Variants in SPAG5 observed in about 807,000 individuals in gnomAD.
SPAG5 encodes the protein sperm-associated antigen 5.
SPAG5 carries 99 observed loss-of-function variants against 145.4 expected under a neutral mutation model. The observed-to-expected ratio is 0.68, with a 90% CI of 0.58 to 0.80. The LOEUF is 0.80. Among genes scored for constraint, SPAG5 ranks in the 30% least tolerant of loss-of-function variants. The pLI is 0.00. For synonymous variants in SPAG5, 477 were observed against 525.4 expected, an observed-to-expected ratio of 0.91 and a Z score of 1.26; for missense variants, 1,192 against 1,416.0, an observed-to-expected ratio of 0.84 and a Z score of 2.54.
chr17:28,580,464 G>GACT (rs1478709220), intron 15 of SPAG5: 1 of 155,678 alleles, frequency 6.4e-6, no homozygotes, highest in African/African-American at 2.4e-5. Flanking sequence ...ACCATCTATT[G>GACT]ACTCCCCAGC....
In SPAG5 at chr17:28,585,195, CAA is replaced by C. The variant is rs768553451; in HGVS notation, c.1972_1973del (p.Leu658AlafsTer23). 1 of 1,614,212 alleles carries C rather than the reference CAA, an allele frequency of 6.2e-7. No homozygotes were observed. Among genetic ancestry groups the C allele is most frequent in the Non-Finnish European group, 8.5e-7 (1 of 1,180,038 alleles). The stretch of plus-strand genomic sequence containing the variant: ...CTGTGAGTTGTCGGGACCGACTCAG[CAA>C]AGCTGTCCATGTTGTATACTACCAG... Reference protein sequence around the residue: ...MQLDYTTWTALLSRSRQLTEK... With the variant: ...MQLDYTTWTAXLSRSRQLTEK... On this transcript the variant is annotated frameshift_variant, in exon 10 of 24. Transcript: ENST00000321765. LOFTEE classifies it high-confidence loss of function.
intron 16 of SPAG5, 22 bp from the exon 17 acceptor site, chr17:28,579,859 G>A: frequency 6.2e-7 from 1 of 1,608,006 alleles, no homozygotes; most frequent in Non-Finnish European, 8.5e-7. Context: ...ACCAATAATG[G>A]GAGAGGGCCC....
At chr17:28,589,109 T>C (rs1027072816) in intron 4 of SPAG5, among the ~76,000 whole-genome samples, 1 of 152,064 alleles carries the variant, frequency 6.6e-6, no homozygotes, top group Non-Finnish European at 1.5e-5. Flanking sequence ...ATAATTTTTT[T>C]TTTTTTTGAG....
rs376364435 is a variant in SPAG5, at chr17:28,584,691, T to A, written c.2122A>T (p.Thr708Ser). Residue 708 changes from threonine (T) to serine (S), a missense_variant, in exon 11 of 24, where the codon ACA becomes TCA. Physicochemically the swap from Thr to Ser is moderately conservative, Grantham distance 58. This residue lies in a region of SPAG5 where 709 missense variants were observed against 840.7 expected (regional missense o/e 0.84). Coordinates refer to ENST00000321765, the MANE Select transcript of SPAG5 (RefSeq NM_006461.4). ...SAQLEECKGQ[T>S]EQLELENSRL... is the part of the protein sequence containing the mutation. ...CTGTTTTCCAACTCCAGTTGTTCTG[T>A]TTGGCCTTTGCACTCCTCTAACTGG... is the stretch of plus-strand genomic sequence containing the variant. The A allele has an allele frequency of 1.2e-6, 2 of 1,614,044 alleles. No homozygotes were observed. The highest frequency in any genetic ancestry group is 1.7e-6 in the Non-Finnish European group (2 of 1,180,024).
Position 28,579,151 on chromosome 17 carries a change from A to T in SPAG5, c.3107T>A (p.Leu1036Ter). Residue 1036 changes from leucine (L) to a stop codon, truncating the protein, a stop_gained, in exon 19 of 24, where the codon TTG (leucine) becomes TAG (stop). Coordinates refer to ENST00000321765, the MANE Select transcript of SPAG5 (RefSeq NM_006461.4). LOFTEE classifies it high-confidence loss of function. The stretch of plus-strand genomic sequence containing the variant: ...AGGTCCCTCCTTCACCTTGTAGCGC[A>T]AGCACAAGGCCTGGTTCAGCTTCTC... Reference protein sequence around the residue: ...DIEKLNQALCLRYKNEKELQE... With the variant: ...DIEKLNQALC 1 of 1,612,912 alleles carries T rather than the reference A, an allele frequency of 6.2e-7. No individual in the cohort carries two copies. Among genetic ancestry groups the T allele is most frequent in the Non-Finnish European group, 8.5e-7 (1 of 1,179,604 alleles).
chr17:28,598,825 CA>C (rs2070688582), intron 1 of SPAG5, 70 bp downstream of exon 1: 2 of 1,577,642 alleles, frequency 1.3e-6, no homozygotes, highest in East Asian at 4.5e-5. Flanking sequence ...CTTTCCAGGA[CA>C]GTAGACACGG....
rs377720107 is a variant in SPAG5, at chr17:28,592,896, C to A, written c.348G>T (p.Glu116Asp). 1.2e-5 allele frequency: 20 copies of A among 1,614,072 alleles called. No individual in the cohort carries two copies. The highest frequency in any genetic ancestry group is 1.6e-5 in the Non-Finnish European group (19 of 1,180,026). Residue 116 changes from glutamate (E) to aspartate (D), a missense_variant, in exon 3 of 24, where the codon GAG (glutamate) becomes GAT (aspartate). Transcript: ENST00000321765. ...PQISSTPKTS[E>D]EAVDPLGNYM... ...AATTGCCCAGTGGGTCTACTGCTTCCTCAGACGTTTTAGGAGTAGAGCTAA... is the reference window on the plus strand; with the variant it reads ...AATTGCCCAGTGGGTCTACTGCTTCATCAGACGTTTTAGGAGTAGAGCTAA...
chr17:28,594,779 AAT>A (rs1409723489), intron 2 of SPAG5, among the ~76,000 whole-genome samples: 5 of 152,016 alleles, frequency 3.3e-5, no homozygotes, highest in Non-Finnish European at 7.3e-5. Flanking sequence ...GTTTTATTGT[AAT>A]TTCATGTATC....
intron 21 of SPAG5, 36 bp from the exon 22 acceptor site, chr17:28,578,328 G>A (rs1366352690): frequency 1.9e-6 from 3 of 1,614,044 alleles, no homozygotes; most frequent in Non-Finnish European, 2.5e-6. Flanking sequence ...GGTACAGCCT[G>A]GGGTCCCCAC....
intron 5 of SPAG5, 75 bp downstream of exon 5, chr17:28,586,350 A>T (rs2070585476): frequency 3.7e-6 from 5 of 1,339,428 alleles, no homozygotes; most frequent in Admixed American, 3.4e-5. Context: ...ATCACCATCT[A>T]CTAACCACCC....
In SPAG5 at chr17:28,585,493, T is replaced by C. The variant is rs369348218; in HGVS notation, c.1860+41A>G. Reference sequence around the variant, plus strand: ...GGAGTATGCAACTACCCTCCCAGTCTGTCAGCACAGACCCCAGGAAAGAAA... The same window carrying C: ...GGAGTATGCAACTACCCTCCCAGTCCGTCAGCACAGACCCCAGGAAAGAAA... On this transcript the variant is annotated intron_variant, in intron 8 of 23. Coordinates refer to ENST00000321765, the MANE Select transcript of SPAG5 (RefSeq NM_006461.4). The C allele has an allele frequency of 4.2e-5, 68 of 1,613,752 alleles. No homozygotes were observed. In the African/African-American group the frequency reaches 7.6e-4, roughly 18 times the overall value.
chr17:28,584,578 C>T lies in SPAG5; in HGVS notation c.2161+74G>A, dbSNP rs1324023517. 1.4e-5 allele frequency: 23 copies of T among 1,599,578 alleles called. No individual in the cohort carries two copies. The Admixed American group carries it at 3.7e-4, about 26-fold the overall frequency. On this transcript the variant is annotated intron_variant, in intron 11 of 23. Coordinates refer to ENST00000321765, the MANE Select transcript of SPAG5 (RefSeq NM_006461.4). ...AAGTGCTCCTGAGTACTTCCTTGCT[C>T]TAGTGCCACACTCCAAGCCTTAACA...
In SPAG5 at chr17:28,598,625, G is replaced by C. The variant is rs769410235; in HGVS notation, c.62C>G (p.Ser21Cys). 3 of 1,600,558 alleles carry C rather than the reference G, an allele frequency of 1.9e-6. No individual in the cohort carries two copies. Among genetic ancestry groups the C allele is most frequent in the Non-Finnish European group, 2.6e-6 (3 of 1,172,326 alleles). ...AAGTTCACGGAGAGGAGTTCTCATA[G>C]ATGGTTTTCCCTGAGAAAGAAACCA... is the stretch of plus-strand genomic sequence containing the variant. ...LSPSPQTGKP[S>C]MRTPLRELTL... The change falls in exon 2 of 24, where the codon TCT becomes TGT. Residue 21 changes from serine to cysteine, a missense_variant. Transcript: ENST00000321765.
chr17:28,597,711 T>C (rs543137531), intron 2 of SPAG5, among the ~76,000 whole-genome samples: 15 of 152,246 alleles, frequency 9.9e-5, no homozygotes, highest in African/African-American at 3.4e-4. Flanking sequence ...TGAAAATGAA[T>C]AGATACGATT....
Position 28,592,644 on chromosome 17 carries a change from A to G in SPAG5, c.600T>C (p.His200=). ...GATTTGGTGGAGACTCCTCTAAGAG[A>G]TGGGACGGAGATTCCTGAAAGATAG... The part of the protein sequence containing the change: ...EKPIFQESPS[H]LLEESPPNPC... Residue 200 remains histidine (H), a synonymous_variant, in exon 3 of 24, where the codon CAT becomes CAC. Coordinates refer to ENST00000321765, the MANE Select transcript of SPAG5 (RefSeq NM_006461.4). 6.2e-7 allele frequency: 1 copy of G among 1,614,122 alleles called. No individual in the cohort carries two copies. The highest frequency in any genetic ancestry group is 1.3e-5 in the African/African-American group (1 of 75,054).
At position 28,580,140 on chromosome 17, in the gene SPAG5, A is replaced by C. The variant is rs2070540981; in HGVS notation, c.2686-20T>G. The C allele has an allele frequency of 6.4e-7, 1 of 1,574,084 alleles. No homozygotes were observed. The highest frequency in any genetic ancestry group is 1.4e-5 in the African/African-American group (1 of 73,930). On this transcript the variant is annotated intron_variant, in intron 15 of 23. Coordinates refer to ENST00000321765, the MANE Select transcript of SPAG5 (RefSeq NM_006461.4). ...TTCAGTCTAAGGGCAAAGAAGAAAA[A>C]ATAGCTGCTGTTCAGGTCTAGTGAA...
chr17:28,585,241 T>G, intron 9 of SPAG5, 26 bp from the exon 10 acceptor site: 2 of 1,612,292 alleles, frequency 1.2e-6, no homozygotes, highest in Non-Finnish European at 1.7e-6. Context: ...AGCAGGTCAG[T>G]AGAGCACACT....
At chr17:28,590,868 C>CAAAAAAAAA (rs60727111) in intron 4 of SPAG5, among the ~76,000 whole-genome samples, 2 of 37,416 alleles carry the variant, frequency 5.3e-5, no homozygotes, top group Non-Finnish European at 9.8e-5. Context: ...GACTCCGTCT[C>CAAAAAAAAA]AAAAAAAAAA....
In SPAG5 at chr17:28,592,650, C is replaced by G. The variant is rs769030227; in HGVS notation, c.594G>C (p.Pro198=). The G allele has an allele frequency of 1.2e-6, 2 of 1,614,092 alleles. No individual in the cohort carries two copies. The highest frequency in any genetic ancestry group is 1.7e-6 in the Non-Finnish European group (2 of 1,180,020). The stretch of plus-strand genomic sequence containing the variant: ...GTGGAGACTCCTCTAAGAGATGGGA[C>G]GGAGATTCCTGAAAGATAGGTTTCT... The part of the protein sequence containing the change: ...VSEKPIFQES[P]SHLLEESPPN... Residue 198 remains proline (P), a synonymous_variant, in exon 3 of 24, where the codon CCG becomes CCC. Coordinates refer to ENST00000321765, the MANE Select transcript of SPAG5 (RefSeq NM_006461.4).
Sources: allele counts gnomAD v4.1 joint callset (sites outside exome capture counted in the v4.1 genomes callset), GRCh38; gene constraint gnomAD v4.1.1; regional missense constraint gnomAD v4.1.1; transcripts MANE v1.5; gene names NCBI Gene and HGNC (gene_info 2026-07-23, HGNC 2026-07-21).